Variants in PAIP2 observed in about 807,000 individuals in gnomAD.
PAIP2 encodes polyadenylate-binding protein-interacting protein 2.
Under a neutral mutation model 14.8 loss-of-function variants are expected in PAIP2, and 7 were observed. The ratio of observed to expected loss-of-function variants is 0.47; its 90% confidence interval spans 0.27 to 0.89. The LOEUF is 0.89. PAIP2 is among the 40% of genes least tolerant of loss of function. PAIP2 has a pLI of 0.13. For synonymous variants in PAIP2, 47 were observed against 45.3 expected (o/e 1.04, Z -0.15); for missense variants, 122 against 154.7 (o/e 0.79, Z 1.12).
At chr5:139,344,639 C>T (rs1171274802) in intron 1 of PAIP2, among the ~76,000 whole-genome samples, 1 of 152,114 alleles carries the variant, frequency 6.6e-6, no homozygotes, top group African/African-American at 2.4e-5. Context: ...ATTTGAATAG[C>T]CTCTGCTTCT....
At chr5:139,366,591 A>G (rs1291305856) in intron 3 of PAIP2, among the ~76,000 whole-genome samples, 2 of 152,222 alleles carry the variant, frequency 1.3e-5, no homozygotes, top group Admixed American at 6.5e-5. Context: ...TTACGGCTAC[A>G]TTAGTCACCA....
intron 1 of PAIP2, among the ~76,000 whole-genome samples, chr5:139,358,042 A>T (rs1438901511): frequency 6.6e-6 from 1 of 151,658 alleles, no homozygotes; most frequent in African/African-American, 2.4e-5. Flanking sequence ...TCTTTTTAGT[A>T]GTTCTGTAGA....
At position 139,368,850 on chromosome 5, in the gene PAIP2, G is replaced by C. The variant is rs1757470907; in HGVS notation, c.*52G>C. The stretch of plus-strand genomic sequence containing the variant: ...GTAGCACAATTTCCACACTGTGAAG[G>C]CAGTATTAGAAGACTTAATTGTAAA... On this transcript the variant is annotated 3_prime_UTR_variant, in exon 4 of 4. Transcript: ENST00000265192. 2 of 1,306,888 alleles carry C rather than the reference G, an allele frequency of 1.5e-6. No homozygotes were observed. The highest frequency in any genetic ancestry group is 1.1e-6 in the Non-Finnish European group (1 of 902,912). The allele number at this position is 1,306,888 out of a possible 1,614,324, so 81.0% of individuals were successfully genotyped here. A position where few individuals can be genotyped will look rare whatever the true frequency, so the allele number is the denominator to read the frequency against.
In PAIP2 at chr5:139,343,708, G is replaced by GTT. The variant is rs61419083; in HGVS notation, c.-27+1748_-27+1749dup. Among the ~76,000 whole-genome samples the GTT allele has an allele frequency of 2.7e-3, 358 of 130,900 alleles. 1 individual carries two copies. The highest frequency in any genetic ancestry group is 6.4e-3 in the African/African-American group (219 of 34,402). 85.9% of individuals were successfully genotyped at this position (130,900 alleles called of 152,430 possible). A position where few individuals can be genotyped will look rare whatever the true frequency, so the allele number is the denominator to read the frequency against. ...ATGAAACGTGAAATGGGCAGAGCAA[G>GTT]TTTTTTTTTTTTTTTTTTTTTGAGA... On this transcript the variant is annotated intron_variant, in intron 1 of 3. Coordinates refer to ENST00000265192, the MANE Select transcript of PAIP2 (RefSeq NM_016480.5).
intron 1 of PAIP2, among the ~76,000 whole-genome samples, chr5:139,360,323 T>G (rs1047062489): frequency 5.3e-5 from 8 of 152,094 alleles, no homozygotes; most frequent in Non-Finnish European, 1.2e-4. Context: ...ATCAAAATAG[T>G]TTTTCATCCA....
At chr5:139,360,868 C>CCT (rs1757050289) in intron 1 of PAIP2, among the ~76,000 whole-genome samples, 1 of 151,894 alleles carries the variant, frequency 6.6e-6, no homozygotes, top group African/African-American at 2.4e-5. Flanking sequence ...GCAACCTCTG[C>CCT]CTCCCAGGTT....
chr5:139,368,642 T>C, intron 3 of PAIP2, 91 bp from the exon 4 acceptor site: 1 of 865,560 alleles, frequency 1.2e-6, no homozygotes, highest in Non-Finnish European at 1.9e-6. Flanking sequence ...GTCTTTTTTT[T>C]TTTGGAAGAT....
chr5:139,358,411 G>T (rs1756980135), intron 1 of PAIP2, among the ~76,000 whole-genome samples: 5 of 152,194 alleles, frequency 3.3e-5, no homozygotes, highest in Admixed American at 3.3e-4. Flanking sequence ...TGGGAGTGAG[G>T]ATTGTGTCTG....
In PAIP2 at chr5:139,342,083, C is replaced by T. The variant is rs146336608; in HGVS notation, c.-27+103C>T. The T allele has an allele frequency of 4.7e-3, 723 of 152,734 alleles. 2 individuals carry two copies. Among genetic ancestry groups the T allele is most frequent in the Non-Finnish European group, 6.3e-3 (429 of 68,084 alleles). The allele number at this position is 152,734 out of a possible 1,614,324, so 9.5% of individuals were successfully genotyped here. ...CTAAAGGGTTCCCTGGGTGGTTGGCCACCGAGTCCATTGCGGCCTCCGTTG... is the reference window on the plus strand; with the variant it reads ...CTAAAGGGTTCCCTGGGTGGTTGGCTACCGAGTCCATTGCGGCCTCCGTTG... On this transcript the variant is annotated intron_variant, in intron 1 of 3. Transcript: ENST00000265192.
At chr5:139,344,236 T>G (rs1756469422) in intron 1 of PAIP2, among the ~76,000 whole-genome samples, 1 of 152,184 alleles carries the variant, frequency 6.6e-6, no homozygotes. Context: ...AGTCCAGAGA[T>G]TCTATGCTCT....
chr5:139,352,224 T>C (rs1437784029), intron 1 of PAIP2, among the ~76,000 whole-genome samples: 2 of 145,840 alleles, frequency 1.4e-5, no homozygotes, highest in Non-Finnish European at 3.0e-5. Flanking sequence ...GATAATCACA[T>C]TTATTTTGTG....
chr5:139,350,812 T>C (rs1008360482), intron 1 of PAIP2, among the ~76,000 whole-genome samples: 1 of 152,058 alleles, frequency 6.6e-6, no homozygotes, highest in African/African-American at 2.4e-5. Context: ...TTGATATTGG[T>C]ATAGAAATAC....
chr5:139,358,018 A>G (rs1398969851), intron 1 of PAIP2, among the ~76,000 whole-genome samples: 1 of 151,924 alleles, frequency 6.6e-6, no homozygotes, highest in East Asian at 1.9e-4. Context: ...GAAGTTTATC[A>G]TTGCATTGGC....
intron 1 of PAIP2, among the ~76,000 whole-genome samples, chr5:139,345,013 T>G (rs537536867): frequency 6.6e-6 from 1 of 152,248 alleles, no homozygotes; most frequent in East Asian, 1.9e-4. Context: ...TAAAGCAGCC[T>G]GGTTCCAGAG....
intron 1 of PAIP2, among the ~76,000 whole-genome samples, chr5:139,356,190 G>A (rs1316674352): frequency 6.6e-6 from 1 of 151,972 alleles, no homozygotes; most frequent in Non-Finnish European, 1.5e-5. Context: ...GCTCACGCCT[G>A]TAATACCAGC....
At chr5:139,358,320 G>C (rs918380572) in intron 1 of PAIP2, among the ~76,000 whole-genome samples, 2 of 152,180 alleles carry the variant, frequency 1.3e-5, no homozygotes, top group African/African-American at 4.8e-5. Context: ...GCCCTTAAAT[G>C]CAATACTATT....
rs570703544 is a variant in PAIP2 at position 139,365,455 on chromosome 5, A to T, written c.318+712A>T. Among the ~76,000 whole-genome samples, 3 of 151,800 alleles carry T rather than the reference A, an allele frequency of 2.0e-5. No individual in the cohort carries two copies. In the South Asian group the frequency reaches 6.2e-4, roughly 32 times the overall value. ...CAGTGAGTGGAGATCGCACCATTGCACTCCAGCCTGGGCAACAGAGTGAGA... is the reference window on the plus strand; with the variant it reads ...CAGTGAGTGGAGATCGCACCATTGCTCTCCAGCCTGGGCAACAGAGTGAGA... On this transcript the variant is annotated intron_variant, in intron 3 of 3. Transcript: ENST00000265192.
chr5:139,352,379 T>C lies in PAIP2; in HGVS notation c.-27+10399T>C, dbSNP rs138029908. 2.9e-3 allele frequency among the ~76,000 whole-genome samples: 436 copies of C among 152,178 alleles called. 2 individuals carry two copies. The highest frequency in any genetic ancestry group is 9.9e-3 in the African/African-American group (412 of 41,516). ...AATACTGAACATTTTTTATTTTTGA[T>C]ATATTTTCTGACAGTTTTAGGGTTT... On this transcript the variant is annotated intron_variant, in intron 1 of 3. Coordinates refer to ENST00000265192, the MANE Select transcript of PAIP2 (RefSeq NM_016480.5).
In PAIP2 at chr5:139,344,010, TAAAGAA is replaced by T. The variant is rs568573081; in HGVS notation, c.-27+2032_-27+2037del. On this transcript the variant is annotated intron_variant, in intron 1 of 3. Coordinates refer to ENST00000265192, the MANE Select transcript of PAIP2 (RefSeq NM_016480.5). ...AGTTTTATCTTGCCCATTTGGGAAT[TAAAGAA>T]ATAGAAGCCTGAAAGATTATTTTTA... Among the ~76,000 whole-genome samples, 476 of 152,334 alleles carry T rather than the reference TAAAGAA, an allele frequency of 3.1e-3. 2 individuals are homozygous for T. Among genetic ancestry groups the T allele is most frequent in the Non-Finnish European group, 4.0e-3 (272 of 68,038 alleles).
Sources: gnomAD v4.1 joint callset for allele counts (sites outside exome capture counted in the v4.1 genomes callset) on GRCh38, gnomAD v4.1.1 for gene constraint, MANE v1.5 for transcripts, NCBI Gene and HGNC (gene_info 2026-07-23, HGNC 2026-07-21) for gene names.